The following LAPTM4B variants were observed in gnomAD, a reference collection of about 807,000 sequenced individuals.
LAPTM4B encodes lysosomal-associated transmembrane protein 4B.
Under a neutral mutation model 28.5 loss-of-function variants are expected in LAPTM4B, and 26 were observed. That is an observed-to-expected ratio of 0.91 (90% CI 0.67 to 1.27). The LOEUF is 1.27. Ranked by LOEUF, LAPTM4B falls within the 50% of genes most tolerant of loss-of-function variation. The probability of loss-of-function intolerance (pLI) is 0.00; values close to 1 mark genes in which losing one functional copy is unlikely to be tolerated. For synonymous variants in LAPTM4B, 109 were observed against 106.4 expected (o/e 1.02, Z -0.15); for missense variants, 288 against 285.8 (o/e 1.01, Z -0.06).
chr8:97,825,673 A>G (rs1239745745), intron 6 of LAPTM4B, among the ~76,000 whole-genome samples: 1 of 152,240 alleles, frequency 6.6e-6, no homozygotes, highest in Non-Finnish European at 1.5e-5. Context: ...TTAAAATTGC[A>G]AACCTGTCAT....
chr8:97,823,344 G>GTTTTTTTT (rs10561869), intron 5 of LAPTM4B, among the ~76,000 whole-genome samples: 5 of 109,290 alleles, frequency 4.6e-5, no homozygotes, highest in Non-Finnish European at 1.0e-4. Flanking sequence ...ATACAATATG[G>GTTTTTTTT]TTTTTTTTTT....
At chr8:97,844,287 G>A (rs1028997769) in intron 6 of LAPTM4B, among the ~76,000 whole-genome samples, 3 of 151,994 alleles carry the variant, frequency 2.0e-5, no homozygotes, top group Non-Finnish European at 2.9e-5. Flanking sequence ...TGTTGAGATG[G>A]GGTCTTGCTA....
intron 1 of LAPTM4B, among the ~76,000 whole-genome samples, chr8:97,776,424 C>T (rs962053657): frequency 3.9e-5 from 6 of 152,222 alleles, no homozygotes; most frequent in African/African-American, 1.4e-4. Flanking sequence ...TAGGGCGCAC[C>T]GGGGCAGACA....
intron 1 of LAPTM4B, among the ~76,000 whole-genome samples, chr8:97,786,877 A>G (rs552351735): frequency 2.0e-5 from 3 of 152,244 alleles, no homozygotes; most frequent in African/African-American, 7.2e-5. Context: ...GTTATGCTAT[A>G]GATAAAGTTG....
intron 6 of LAPTM4B, among the ~76,000 whole-genome samples, chr8:97,837,743 G>C (rs1045019107): frequency 4.6e-5 from 7 of 152,110 alleles, no homozygotes; most frequent in African/African-American, 1.7e-4. Flanking sequence ...GAACCAGAGG[G>C]CCCAGGGGAC....
intron 3 of LAPTM4B, among the ~76,000 whole-genome samples, chr8:97,815,764 C>T (rs1011134951): frequency 4.6e-5 from 7 of 152,024 alleles, no homozygotes; most frequent in Admixed American, 3.9e-4. Flanking sequence ...GACGTGATTT[C>T]ACCATGTTGG....
chr8:97,831,575 A>C (rs1170807613), intron 6 of LAPTM4B, among the ~76,000 whole-genome samples: 1 of 152,222 alleles, frequency 6.6e-6, no homozygotes, highest in Non-Finnish European at 1.5e-5. Context: ...TTTGTGTCCT[A>C]CATGGAAGTG....
chr8:97,810,107 A>G (rs1383184080), intron 2 of LAPTM4B, among the ~76,000 whole-genome samples: 1 of 151,912 alleles, frequency 6.6e-6, no homozygotes, highest in East Asian at 1.9e-4. Flanking sequence ...TTTTTTGTAG[A>G]GATGGGGTTT....
chr8:97,808,595 A>G (rs1167744021), intron 2 of LAPTM4B, among the ~76,000 whole-genome samples: 1 of 152,218 alleles, frequency 6.6e-6, no homozygotes, highest in East Asian at 1.9e-4. Context: ...GAAGTTTAAA[A>G]AAACAGATTC....
intron 5 of LAPTM4B, among the ~76,000 whole-genome samples, chr8:97,819,809 ACT>A (rs1361928178): frequency 7.5e-6 from 1 of 133,590 alleles, no homozygotes; most frequent in Non-Finnish European, 1.5e-5. Context: ...ACCTCGGCTT[ACT>A]GCGAGCTTCG....
At chr8:97,795,414 T>C (rs956053296) in intron 1 of LAPTM4B, among the ~76,000 whole-genome samples, 1 of 152,184 alleles carries the variant, frequency 6.6e-6, no homozygotes, top group Non-Finnish European at 1.5e-5. Flanking sequence ...TTGTGAATCA[T>C]TTTTACTGAT....
intron 1 of LAPTM4B, among the ~76,000 whole-genome samples, chr8:97,797,970 TA>T (rs1259404363): frequency 2.6e-5 from 4 of 152,104 alleles, no homozygotes; most frequent in Non-Finnish European, 5.9e-5. Flanking sequence ...GCTCATAACA[TA>T]AAAAAACAGA....
At chr8:97,830,014 A>T (rs529223456) in intron 6 of LAPTM4B, among the ~76,000 whole-genome samples, 28 of 152,254 alleles carry the variant, frequency 1.8e-4, no homozygotes, top group African/African-American at 6.5e-4. Flanking sequence ...TTTTCCAGAA[A>T]GTGAAGAAGA....
intron 1 of LAPTM4B, among the ~76,000 whole-genome samples, chr8:97,795,791 T>TG (rs1396173235): frequency 6.7e-6 from 1 of 148,356 alleles, no homozygotes; most frequent in African/African-American, 2.5e-5. Context: ...AGGCCGAGAT[T>TG]GCCCCACTGC....
chr8:97,807,370 A>G (rs1319697986), intron 2 of LAPTM4B, among the ~76,000 whole-genome samples: 1 of 152,194 alleles, frequency 6.6e-6, no homozygotes, highest in Non-Finnish European at 1.5e-5. Flanking sequence ...CAGGAGTTCA[A>G]GACCAGCCTG....
chr8:97,828,059 C>T (rs1017562304), intron 6 of LAPTM4B, among the ~76,000 whole-genome samples: 5 of 152,164 alleles, frequency 3.3e-5, no homozygotes, highest in African/African-American at 7.2e-5. Context: ...TGGATGTATA[C>T]GTGTGGGTCA....
Position 97,801,989 on chromosome 8 carries a change from T to G in LAPTM4B, c.100-3364T>G, listed in dbSNP as rs145068024. Among the ~76,000 whole-genome samples, 498 of 152,336 alleles carry G rather than the reference T, an allele frequency of 3.3e-3. 2 individuals are homozygous for G. The highest frequency in any genetic ancestry group is 0.011 in the African/African-American group (465 of 41,578). ...AGCCTTGGAGTTGTAACAGAAAGTTTTCTTCAGATAGTTTTGTTAATCACA... is the reference window on the plus strand; with the variant it reads ...AGCCTTGGAGTTGTAACAGAAAGTTGTCTTCAGATAGTTTTGTTAATCACA... On this transcript the variant is annotated intron_variant, in intron 1 of 6. Transcript: ENST00000521545.
At chr8:97,813,501 A>C (rs1287759966) in intron 2 of LAPTM4B, among the ~76,000 whole-genome samples, 1 of 152,234 alleles carries the variant, frequency 6.6e-6, no homozygotes, top group African/African-American at 2.4e-5. Flanking sequence ...TCCTTTGGCA[A>C]CGCCCTCACA....
rs1203368171 is a variant in LAPTM4B at position 97,850,766 on chromosome 8, CA to C, written c.604-629del. ...TTTTGTCTCAATTATCTTATACTCA[CA>C]ATGACTATTACATACTAGATGCATA... On this transcript the variant is annotated intron_variant, in intron 6 of 6. Transcript: ENST00000521545. 2.7e-5 allele frequency among the ~76,000 whole-genome samples: 4 copies of C among 145,688 alleles called. 1 individual carries two copies. Among genetic ancestry groups the C allele is most frequent in the African/African-American group, 1.0e-4 (4 of 38,164 alleles).
Sources: allele counts gnomAD v4.1 joint callset (sites outside exome capture counted in the v4.1 genomes callset), GRCh38; gene constraint gnomAD v4.1.1; transcripts MANE v1.5; gene names NCBI Gene and HGNC (gene_info 2026-07-23, HGNC 2026-07-21).